SOX5: variants seen among roughly 807,000 people sequenced by gnomAD.
SOX5 encodes SRY-box transcription factor 5.
In SOX5, 9 loss-of-function variants were observed where a neutral mutation model predicts 92.0. That is an observed-to-expected ratio of 0.10 (90% CI 0.06 to 0.17). The LOEUF (loss-of-function observed/expected upper bound fraction) is 0.17. Among genes scored for constraint, SOX5 ranks in the 10% least tolerant of loss-of-function variants. The pLI is 1.00. For missense variants in SOX5, 642 were observed against 944.5 expected (o/e 0.68, Z 4.20); for synonymous variants, 344 against 336.3 (o/e 1.02, Z -0.25).
At chr12:24,337,872 T>G (rs1453399239) in intron 2 of SOX5, among the ~76,000 whole-genome samples, 1 of 152,200 alleles carries the variant, frequency 6.6e-6, no homozygotes, top group Non-Finnish European at 1.5e-5. Flanking sequence ...TGTGGAATGA[T>G]CTGGTATTAA....
intron 3 of SOX5, among the ~76,000 whole-genome samples, chr12:23,813,510 G>A (rs912870403): frequency 1.3e-5 from 2 of 151,866 alleles, no homozygotes; most frequent in Admixed American, 6.6e-5. Context: ...TAGTACTTTC[G>A]GAAAAAGCAA....
intron 3 of SOX5, among the ~76,000 whole-genome samples, chr12:23,781,682 C>T (rs1594367676): frequency 6.6e-6 from 1 of 152,012 alleles, no homozygotes; most frequent in Admixed American, 6.6e-5. Context: ...CTCTCTCTCT[C>T]CCCCGCTTTT....
chr12:24,321,994 A>G (rs1367355077), intron 2 of SOX5, among the ~76,000 whole-genome samples: 1 of 152,116 alleles, frequency 6.6e-6, no homozygotes, highest in African/African-American at 2.4e-5. Context: ...ACCAGACTAT[A>G]AATGCTGGAA....
At chr12:24,219,483 GC>G (rs1253733671) in intron 3 of SOX5, among the ~76,000 whole-genome samples, 3 of 151,918 alleles carry the variant, frequency 2.0e-5, no homozygotes, top group Non-Finnish European at 4.4e-5. Flanking sequence ...TCAAATTTCA[GC>G]GACATAAAAT....
chr12:23,693,123 A>ATTG (rs982212825), intron 6 of SOX5, among the ~76,000 whole-genome samples: 9 of 151,380 alleles, frequency 5.9e-5, no homozygotes, highest in East Asian at 1.9e-4. Context: ...TTATTTTATT[A>ATTG]TTGTTGTTGT....
At chr12:23,953,362 A>C (rs971754017), upstream of SOX5, among the ~76,000 whole-genome samples, 1 of 152,108 alleles carries the variant, frequency 6.6e-6, no homozygotes, top group African/African-American at 2.4e-5. Context: ...TAGCGCATCT[A>C]TTAAACCCAA....
At chr12:23,835,218 A>G (rs2135722739) in intron 3 of SOX5, among the ~76,000 whole-genome samples, 1 of 151,986 alleles carries the variant, frequency 6.6e-6, no homozygotes, top group South Asian at 2.1e-4. Flanking sequence ...AATGGTCTTT[A>G]AAACTAAGAT....
rs188492880 is a variant in SOX5, at chr12:24,366,906, G to A, written c.-174+1657C>T. Among the ~76,000 whole-genome samples the A allele has an allele frequency of 8.3e-4, 126 of 151,822 alleles. 1 individual carries two copies. The highest frequency in any genetic ancestry group is 2.9e-3 in the African/African-American group (118 of 41,380). On this transcript the variant is annotated intron_variant, in intron 2 of 4. Coordinates refer to the SOX5 transcript ENST00000446891. ...TTATTTTCTAGTGGAGAAAAAGACAGAGAGAAAGCAAATGGGTAGAGGAAG... is the reference window on the plus strand; with the variant it reads ...TTATTTTCTAGTGGAGAAAAAGACAAAGAGAAAGCAAATGGGTAGAGGAAG...
intron 3 of SOX5, among the ~76,000 whole-genome samples, chr12:23,786,072 A>G (rs983661436): frequency 4.6e-5 from 7 of 151,976 alleles, no homozygotes; most frequent in Non-Finnish European, 1.0e-4. Context: ...TTATCAATTC[A>G]GTGCTTTTAT....
intron 6 of SOX5, among the ~76,000 whole-genome samples, chr12:23,675,947 C>T (rs1433322486): frequency 1.3e-5 from 2 of 152,022 alleles, no homozygotes; most frequent in South Asian, 2.1e-4. Context: ...TGAAATACCA[C>T]GTCATATCTA....
At chr12:24,391,757 A>G (rs1214303281) in intron 1 of SOX5, among the ~76,000 whole-genome samples, 1 of 152,144 alleles carries the variant, frequency 6.6e-6, no homozygotes. Flanking sequence ...CTTTCTTTCT[A>G]AGTGGTCAGA....
chr12:23,937,110 C>G (rs1476916121), intron 1 of SOX5, among the ~76,000 whole-genome samples: 2 of 150,938 alleles, frequency 1.3e-5, no homozygotes, highest in Non-Finnish European at 3.0e-5. Context: ...CTCAACAAAT[C>G]AATAAGCTAA....
intron 13 of SOX5, among the ~76,000 whole-genome samples, chr12:23,541,740 T>C (rs1384399899): frequency 6.6e-6 from 1 of 152,256 alleles, no homozygotes; most frequent in Non-Finnish European, 1.5e-5. Context: ...AAGTGGCTAA[T>C]GGTTTGTTTT....
intron 4 of SOX5, among the ~76,000 whole-genome samples, chr12:24,062,247 C>T (rs1939868727): frequency 6.6e-6 from 1 of 152,182 alleles, no homozygotes; most frequent in Non-Finnish European, 1.5e-5. Flanking sequence ...TGCCAGGCTG[C>T]TCCATTGCAG....
chr12:23,946,161 C>T (rs1944557232), intron 1 of SOX5, among the ~76,000 whole-genome samples: 2 of 152,026 alleles, frequency 1.3e-5, no homozygotes, highest in Admixed American at 1.3e-4. Context: ...TGTAGTGTTC[C>T]TTTCAACATG....
chr12:23,858,296 T>A (rs2096717787), intron 2 of SOX5, among the ~76,000 whole-genome samples: 1 of 152,048 alleles, frequency 6.6e-6, no homozygotes, highest in Admixed American at 6.6e-5. Context: ...AAACTATGCA[T>A]CTCACAAAGG....
chr12:23,810,743 C>G (rs2095862215), intron 3 of SOX5, among the ~76,000 whole-genome samples: 1 of 152,102 alleles, frequency 6.6e-6, no homozygotes, highest in African/African-American at 2.4e-5. Context: ...TATAATGTAT[C>G]TCCTTCCCTT....
At chr12:24,015,922 G>GAAA (rs11334278) in intron 4 of SOX5, among the ~76,000 whole-genome samples, 26 of 145,202 alleles carry the variant, frequency 1.8e-4, no homozygotes, top group African/African-American at 6.3e-4. Flanking sequence ...AATGGGGGCA[G>GAAA]AAAAAAAAAA....
At chr12:23,993,749 T>C (rs1183399589) in intron 4 of SOX5, among the ~76,000 whole-genome samples, 2 of 152,160 alleles carry the variant, frequency 1.3e-5, no homozygotes, top group African/African-American at 2.4e-5. Flanking sequence ...TCTGGCTGGC[T>C]GGAGTGTCTC....
Sources: allele counts gnomAD v4.1 joint callset (sites outside exome capture counted in the v4.1 genomes callset), GRCh38; gene constraint gnomAD v4.1.1; transcripts MANE v1.5; gene names NCBI Gene and HGNC (gene_info 2026-07-23, HGNC 2026-07-21).